The following KIRREL1 variants were observed in gnomAD, a reference collection of about 807,000 sequenced individuals.
KIRREL1 encodes the protein kin of IRRE-like protein 1.
Under a neutral mutation model 83.3 loss-of-function variants are expected in KIRREL1, and 25 were observed. The ratio of observed to expected loss-of-function variants is 0.30; its 90% CI spans 0.22 to 0.42. The LOEUF is 0.42. Ranked by LOEUF, KIRREL1 falls within the 10% of genes least tolerant of loss-of-function variation. The pLI, the probability that KIRREL1 is intolerant of heterozygous loss-of-function variation, is 1.00. For synonymous variants in KIRREL1, 388 were observed against 410.4 expected, an observed-to-expected ratio of 0.95 and a Z score of 0.66; for missense variants, 812 against 1,032.3, an observed-to-expected ratio of 0.79 and a Z score of 2.92.
Position 158,099,491 on chromosome 1 carries a change from G to T in KIRREL1, c.*4371G>T, listed in dbSNP as rs773495498. The T allele has an allele frequency of 7.0e-4, 106 of 152,274 alleles. 1 individual carries two copies. Among genetic ancestry groups the T allele is most frequent in the Admixed American group, 1.8e-3 (27 of 15,274 alleles). 9.4% of individuals were successfully genotyped at this position (152,274 alleles called of 1,614,324 possible). A position where few individuals can be genotyped will look rare whatever the true frequency, so the allele number is the denominator to read the frequency against. ...GGACTGAGAGATGTGTGGTTTGGTA[G>T]GAAGGGGGTGTGTGTGGGGGTTAGT... On this transcript the variant is annotated 3_prime_UTR_variant, in exon 15 of 15. Coordinates refer to ENST00000359209, the MANE Select transcript of KIRREL1 (RefSeq NM_018240.7).
chr1:158,077,955 T>C (rs781721791), intron 2 of KIRREL1, 36 bp from the exon 3 acceptor site: 12 of 1,610,590 alleles, frequency 7.5e-6, no homozygotes, highest in Non-Finnish European at 1.0e-5. Flanking sequence ...TGTGTCCTTG[T>C]TTCAAGGTTG....
chr1:158,087,592 T>C (rs1274233817), intron 5 of KIRREL1, among the ~76,000 whole-genome samples, 163 bp from the exon 6 acceptor site: 1 of 152,064 alleles, frequency 6.6e-6, no homozygotes, highest in Non-Finnish European at 1.5e-5. Context: ...AGGCTCCATG[T>C]GCAAAAGGTG....
At chr1:158,013,209 G>T in intron 1 of KIRREL1, among the ~76,000 whole-genome samples, 1 of 152,170 alleles carries the variant, frequency 6.6e-6, no homozygotes, top group Non-Finnish European at 1.5e-5. Context: ...TGAGGATGAA[G>T]TAAAGTATTT....
At chr1:158,059,579 T>G (rs1661156149) in intron 1 of KIRREL1, among the ~76,000 whole-genome samples, 1 of 151,974 alleles carries the variant, frequency 6.6e-6, no homozygotes, top group Non-Finnish European at 1.5e-5. Context: ...AAAACTGGGA[T>G]TAGAGTTAGG....
At chr1:158,027,068 C>T (rs1660193863) in intron 1 of KIRREL1, among the ~76,000 whole-genome samples, 1 of 152,200 alleles carries the variant, frequency 6.6e-6, no homozygotes, top group Non-Finnish European at 1.5e-5. Flanking sequence ...CTCAGTCCCA[C>T]AAGACTGTCC....
At chr1:158,034,290 A>AAAAAAG (rs1557997272) in intron 1 of KIRREL1, among the ~76,000 whole-genome samples, 3 of 151,538 alleles carry the variant, frequency 2.0e-5, no homozygotes, top group Non-Finnish European at 2.9e-5. Flanking sequence ...AAAAAAAGAA[A>AAAAAAG]AAAAGAAAAT....
chr1:158,026,684 T>G (rs1660181595), intron 1 of KIRREL1, among the ~76,000 whole-genome samples: 1 of 150,950 alleles, frequency 6.6e-6, no homozygotes, highest in African/African-American at 2.4e-5. Context: ...AGATATTTTA[T>G]CATCCCCATT....
In KIRREL1 at chr1:158,098,242, C is replaced by T. The variant is rs978655789; in HGVS notation, c.*3122C>T. On this transcript the variant is annotated 3_prime_UTR_variant, in exon 15 of 15. Coordinates refer to ENST00000359209, the MANE Select transcript of KIRREL1 (RefSeq NM_018240.7). ...CTATCGGGTCATCTGTGCTGCTCCC[C>T]ACTCATTTCTGATGGGTTTGCAAAG... The T allele has an allele frequency of 5.2e-5, 8 of 152,394 alleles. No individual in the cohort carries two copies. The East Asian group carries it at 9.6e-4, about 18-fold the overall frequency. The allele number at this position is 152,394 out of a possible 1,614,324, so 9.4% of individuals were successfully genotyped here.
chr1:158,020,532 A>G (rs1659975334), intron 1 of KIRREL1, among the ~76,000 whole-genome samples: 1 of 135,526 alleles, frequency 7.4e-6, no homozygotes. Context: ...TGATTTGTTT[A>G]TATCTGTAAC....
chr1:158,090,458 A>C (rs1662162951), intron 10 of KIRREL1, among the ~76,000 whole-genome samples: 1 of 152,106 alleles, frequency 6.6e-6, no homozygotes, highest in Non-Finnish European at 1.5e-5. Flanking sequence ...TTTAATGACC[A>C]TTTGGCTAAC....
chr1:158,087,272 A>C (rs1285974663), intron 5 of KIRREL1, among the ~76,000 whole-genome samples: 1 of 152,152 alleles, frequency 6.6e-6, no homozygotes, highest in Non-Finnish European at 1.5e-5. Context: ...TCTGAAATGC[A>C]TCTAGTCCTA....
chr1:158,083,123 T>A lies in KIRREL1; in HGVS notation c.353-1299T>A, dbSNP rs1215434841. Among the ~76,000 whole-genome samples, 4 of 152,216 alleles carry A rather than the reference T, an allele frequency of 2.6e-5. No individual in the cohort carries two copies. In the East Asian group the frequency reaches 7.7e-4, roughly 29 times the overall value. On this transcript the variant is annotated intron_variant, in intron 3 of 14. Coordinates refer to ENST00000359209, the MANE Select transcript of KIRREL1 (RefSeq NM_018240.7). ...GGTTTGTCTTAGAAGCCTATGGAGA[T>A]AGGGGAGGGAGAGCCCCCCTTGTTT...
chr1:157,997,016 C>G (rs995796374), intron 1 of KIRREL1, among the ~76,000 whole-genome samples: 4 of 152,164 alleles, frequency 2.6e-5, no homozygotes, highest in African/African-American at 7.2e-5. Flanking sequence ...CCCACCTCTG[C>G]CCCCCTAGGA....
At chr1:158,055,362 C>T (rs1184241829) in intron 1 of KIRREL1, among the ~76,000 whole-genome samples, 3 of 152,086 alleles carry the variant, frequency 2.0e-5, no homozygotes, top group South Asian at 2.1e-4. Flanking sequence ...GGTAGAAACA[C>T]GGGTTAAGTC....
chr1:158,066,310 C>G (rs568407863), intron 1 of KIRREL1, among the ~76,000 whole-genome samples: 82 of 152,276 alleles, frequency 5.4e-4, no homozygotes, highest in Non-Finnish European at 1.0e-3. Context: ...CTTCTCTTCC[C>G]CTTGCTTGTC....
chr1:157,995,490 G>A (rs1465711916), intron 1 of KIRREL1, among the ~76,000 whole-genome samples: 2 of 152,088 alleles, frequency 1.3e-5, no homozygotes, highest in South Asian at 4.2e-4. Context: ...CATGGTGGTG[G>A]TGGAGGGGGG....
At chr1:158,056,728 TTAA>T (rs1471035145) in intron 1 of KIRREL1, among the ~76,000 whole-genome samples, 1 of 152,204 alleles carries the variant, frequency 6.6e-6, no homozygotes, top group Non-Finnish European at 1.5e-5. Context: ...TTCTAAAGTG[TTAA>T]TAATGCATCA....
At chr1:158,013,275 G>A (rs1659737090) in intron 1 of KIRREL1, among the ~76,000 whole-genome samples, 1 of 152,226 alleles carries the variant, frequency 6.6e-6, no homozygotes, top group Admixed American at 6.5e-5. Flanking sequence ...TGACCTGTCT[G>A]TCCTGGGTTA....
At chr1:158,067,318 C>T (rs574246860) in intron 1 of KIRREL1, among the ~76,000 whole-genome samples, 2 of 152,276 alleles carry the variant, frequency 1.3e-5, no homozygotes, top group East Asian at 1.9e-4. Flanking sequence ...TCTCCTATGC[C>T]GGATACCTCA....
Sources: allele counts gnomAD v4.1 joint callset (sites outside exome capture counted in the v4.1 genomes callset), GRCh38; gene constraint gnomAD v4.1.1; transcripts MANE v1.5; gene names NCBI Gene and HGNC (gene_info 2026-07-23, HGNC 2026-07-21).